The following TM9SF2 variants were observed in gnomAD, a reference collection of about 807,000 sequenced individuals.
TM9SF2 encodes transmembrane 9 superfamily member 2.
Under a neutral mutation model 84.9 loss-of-function variants are expected in TM9SF2, and 13 were observed. The ratio of observed to expected loss-of-function variants is 0.15; its 90% CI spans 0.10 to 0.24. TM9SF2 has a LOEUF of 0.24. TM9SF2 is among the 10% of genes least tolerant of loss of function. The pLI is 1.00. For missense variants in TM9SF2, 562 were observed against 818.5 expected (o/e 0.69, Z 3.82); for synonymous variants, 273 against 285.8 (o/e 0.96, Z 0.45).
Position 99,555,447 on chromosome 13 carries a change from TTTCAGTTCAAGAAGAATGAAAAGA to T in TM9SF2, c.1641-86_1641-63del, listed in dbSNP as rs1414790832. On this transcript the variant is annotated intron_variant, in intron 14 of 16. Transcript: ENST00000376387. ...GTTAGTTGAGAGAAAAAGCAAACCT[TTTCAGTTCAAGAAGAATGAAAAGA>T]TTGTGTTATGTATTGTGTCAAATTG... 3.1e-5 allele frequency: 32 copies of T among 1,034,182 alleles called. No individual in the cohort carries two copies. The African/African-American group carries it at 4.6e-4, about 15-fold the overall frequency. The allele number at this position is 1,034,182 out of a possible 1,614,324, so 64.1% of individuals were successfully genotyped here.
intron 12 of TM9SF2, among the ~76,000 whole-genome samples, chr13:99,550,558 C>T (rs2046301545): frequency 1.3e-5 from 2 of 152,180 alleles, no homozygotes; most frequent in African/African-American, 4.8e-5. Context: ...CTTCATCCTA[C>T]TCTTAACAGT....
rs769257992 is a variant in TM9SF2 at position 99,533,641 on chromosome 13, C to T, written c.462-2967C>T. 6.6e-5 allele frequency among the ~76,000 whole-genome samples: 10 copies of T among 152,130 alleles called. No homozygotes were observed. In the East Asian group the frequency reaches 9.7e-4, roughly 15 times the overall value. On this transcript the variant is annotated intron_variant, in intron 4 of 16. Transcript: ENST00000376387. ...AATAATAGTTTCTTATATAAATTGA[C>T]GAATACTTTTTATTTTTTTATTTGT... is the stretch of plus-strand genomic sequence containing the variant.
At chr13:99,533,959 G>A (rs1043822924) in intron 4 of TM9SF2, among the ~76,000 whole-genome samples, 6 of 152,094 alleles carry the variant, frequency 3.9e-5, no homozygotes, top group African/African-American at 1.4e-4. Flanking sequence ...GCGAGCCACC[G>A]CTCCTGGCCA....
At chr13:99,528,882 T>TA (rs2046195733) in intron 3 of TM9SF2, among the ~76,000 whole-genome samples, 1 of 152,202 alleles carries the variant, frequency 6.6e-6, no homozygotes, top group Admixed American at 6.5e-5. Flanking sequence ...TTAATCACCT[T>TA]ATGTAATAAA....
At chr13:99,509,540 C>A (rs971885874) in intron 1 of TM9SF2, among the ~76,000 whole-genome samples, 2 of 152,250 alleles carry the variant, frequency 1.3e-5, no homozygotes, top group Non-Finnish European at 2.9e-5. Context: ...CCAAGACTTA[C>A]GGCTTGCATT....
chr13:99,553,036 T>C (rs1320390571), intron 13 of TM9SF2, among the ~76,000 whole-genome samples: 1 of 152,256 alleles, frequency 6.6e-6, no homozygotes, highest in Non-Finnish European at 1.5e-5. Flanking sequence ...AGGAAGATTA[T>C]AATCAGGTTT....
intron 3 of TM9SF2, among the ~76,000 whole-genome samples, chr13:99,528,163 A>C (rs1388751403): frequency 6.6e-6 from 1 of 152,240 alleles, no homozygotes; most frequent in Non-Finnish European, 1.5e-5. Context: ...ATACAATTCC[A>C]TCCATAACCA....
chr13:99,542,244 G>T (rs1446810859), intron 9 of TM9SF2, among the ~76,000 whole-genome samples: 3 of 152,062 alleles, frequency 2.0e-5, no homozygotes, highest in Non-Finnish European at 4.4e-5. Flanking sequence ...GTGCAGCGTG[G>T]GGTGTAGGTG....
intron 4 of TM9SF2, among the ~76,000 whole-genome samples, chr13:99,532,066 T>C (rs1222619840): frequency 2.6e-5 from 4 of 151,910 alleles, no homozygotes; most frequent in African/African-American, 9.7e-5. Flanking sequence ...TTTTCTTTTT[T>C]TTTGAGACGG....
In TM9SF2 at chr13:99,554,443, T is replaced by A; in HGVS notation, c.1628T>A (p.Leu543Gln). The A allele has an allele frequency of 6.2e-7, 1 of 1,614,076 alleles. No individual in the cohort carries two copies. The highest frequency in any genetic ancestry group is 8.5e-7 in the Non-Finnish European group (1 of 1,179,968). Reference protein sequence around the residue: ...GCIFIQLFFILNSIWSHQMYY... With the variant: ...GCIFIQLFFIQNSIWSHQMYY... ...ATCTTTATACAACTTTTCTTCATTC[T>A]GAATAGTATTTGGTAAGCTAAGGAT... The change falls in exon 14 of 17, where the codon CTG becomes CAG. Residue 543 changes from leucine (L) to glutamine (Q), a missense_variant. Leu to Gln is a moderately radical substitution (Grantham distance 113). This residue lies in a region of TM9SF2 where 13 missense variants were observed against 54.6 expected (regional missense o/e 0.24). Transcript: ENST00000376387.
chr13:99,545,515 G>T (rs1477884347), intron 10 of TM9SF2, among the ~76,000 whole-genome samples: 1 of 152,034 alleles, frequency 6.6e-6, no homozygotes, highest in Non-Finnish European at 1.5e-5. Context: ...GTGACAGAGA[G>T]CCAAACTAGA....
At chr13:99,523,205 G>C (rs993344424) in intron 3 of TM9SF2, among the ~76,000 whole-genome samples, 2 of 152,124 alleles carry the variant, frequency 1.3e-5, no homozygotes, top group Non-Finnish European at 2.9e-5. Flanking sequence ...TCACGCTGTG[G>C]CCTGGGCTGG....
intron 1 of TM9SF2, among the ~76,000 whole-genome samples, chr13:99,514,063 A>G (rs1164841709): frequency 6.6e-6 from 1 of 152,258 alleles, no homozygotes; most frequent in Non-Finnish European, 1.5e-5. Context: ...TACAGTCATG[A>G]ACCGCATAAC....
At chr13:99,535,110 C>T (rs2139092993) in intron 4 of TM9SF2, among the ~76,000 whole-genome samples, 1 of 152,306 alleles carries the variant, frequency 6.6e-6, no homozygotes, top group Admixed American at 6.5e-5. Context: ...CATGATCATG[C>T]TACTGCACTC....
rs762756659 is a variant in TM9SF2, at chr13:99,536,652, A to G, written c.506A>G (p.Asp169Gly). Residue 169 changes from aspartate to glycine, a missense_variant, in exon 5 of 17, where the codon GAT (aspartate) becomes GGT (glycine). By Grantham distance (94) the Asp-to-Gly change is moderately conservative. Transcript: ENST00000376387. Reference sequence around the variant, plus strand: ...GTAACGTGGTGTTACGATGTTGAAGATGGTCAGAGGTTCTGTAATCCTGGA... The same window carrying G: ...GTAACGTGGTGTTACGATGTTGAAGGTGGTCAGAGGTTCTGTAATCCTGGA... ...MPVTWCYDVE[D>G]GQRFCNPGFP... is the part of the protein sequence containing the mutation. 2.5e-6 allele frequency: 4 copies of G among 1,613,808 alleles called. No homozygotes were observed. Among genetic ancestry groups the G allele is most frequent in the Non-Finnish European group, 2.5e-6 (3 of 1,179,794 alleles).
At chr13:99,548,166 C>T (rs1454476436) in intron 11 of TM9SF2, among the ~76,000 whole-genome samples, 2 of 152,140 alleles carry the variant, frequency 1.3e-5, no homozygotes, top group East Asian at 1.9e-4. Context: ...GGCTTTCTGT[C>T]GGTTCCTCGG....
chr13:99,509,653 C>T (rs1014878016), intron 1 of TM9SF2, among the ~76,000 whole-genome samples: 1 of 152,182 alleles, frequency 6.6e-6, no homozygotes, highest in Non-Finnish European at 1.5e-5. Context: ...GCAGTGGGGC[C>T]CTGGGTCTGA....
At chr13:99,554,582 A>T (rs1250366766) in intron 14 of TM9SF2, 127 bp downstream of exon 14, 1 of 969,372 alleles carries the variant, frequency 1.0e-6, no homozygotes, top group African/African-American at 1.7e-5. Context: ...CAGAAATCTT[A>T]AAAGCCAAAA....
At chr13:99,505,079 AATAAT>A (rs1369136367) in intron 1 of TM9SF2, among the ~76,000 whole-genome samples, 2 of 152,048 alleles carry the variant, frequency 1.3e-5, no homozygotes, top group East Asian at 3.8e-4. Flanking sequence ...CCTTTAACTA[AATAAT>A]ACCTTGTGTT....
Sources: allele counts gnomAD v4.1 joint callset (sites outside exome capture counted in the v4.1 genomes callset), GRCh38; gene constraint gnomAD v4.1.1; regional missense constraint gnomAD v4.1.1; transcripts MANE v1.5; gene names NCBI Gene and HGNC (gene_info 2026-07-23, HGNC 2026-07-21).